AGBL4: variants seen among roughly 807,000 people sequenced by gnomAD.
AGBL4 encodes AGBL carboxypeptidase 4.
AGBL4 carries 58 observed loss-of-function variants against 66.4 expected under a neutral mutation model. The observed-to-expected ratio is 0.87, with a 90% CI of 0.71 to 1.09. AGBL4 has a LOEUF of 1.09. Ranked by LOEUF, AGBL4 falls within the 50% of genes least tolerant of loss-of-function variation. The pLI is 0.00. For synonymous variants in AGBL4, 234 were observed against 222.9 expected (o/e 1.05, Z -0.44); for missense variants, 579 against 631.0 (o/e 0.92, Z 0.88).
At chr1:49,540,342 C>T (rs995345324) in intron 3 of AGBL4, among the ~76,000 whole-genome samples, 1 of 152,122 alleles carries the variant, frequency 6.6e-6, no homozygotes, top group African/African-American at 2.4e-5. Context: ...AGGCAATATA[C>T]TATTTATTCT....
intron 9 of AGBL4, among the ~76,000 whole-genome samples, chr1:48,607,908 T>C (rs1226519523): frequency 6.6e-6 from 1 of 152,164 alleles, no homozygotes; most frequent in East Asian, 1.9e-4. Flanking sequence ...ATGACAACTT[T>C]AGTAGGAGGT....
chr1:49,493,400 C>A (rs1444895362), intron 3 of AGBL4, among the ~76,000 whole-genome samples: 1 of 151,934 alleles, frequency 6.6e-6, no homozygotes, highest in Non-Finnish European at 1.5e-5. Context: ...ATGTTCACTG[C>A]AATTCTTTGA....
intron 3 of AGBL4, among the ~76,000 whole-genome samples, chr1:49,281,296 G>C (rs867006285): frequency 3.3e-5 from 5 of 152,172 alleles, no homozygotes; most frequent in African/African-American, 4.8e-5. Flanking sequence ...AGACTTTCTG[G>C]CAAGAGTAGA....
intron 6 of AGBL4, among the ~76,000 whole-genome samples, chr1:48,671,538 C>A (rs1421756670): frequency 6.6e-6 from 1 of 152,224 alleles, no homozygotes; most frequent in South Asian, 2.1e-4. Flanking sequence ...TAGGATCTTT[C>A]ATTTTCTCAT....
At chr1:49,743,986 A>G (rs2147817119) in intron 2 of AGBL4, among the ~76,000 whole-genome samples, 1 of 152,062 alleles carries the variant, frequency 6.6e-6, no homozygotes. Context: ...GCACACCAGC[A>G]TGGCACATGT....
At chr1:49,799,486 T>C (rs1219146460) in intron 2 of AGBL4, among the ~76,000 whole-genome samples, 1 of 152,166 alleles carries the variant, frequency 6.6e-6, no homozygotes. Flanking sequence ...GAGAAAGTTG[T>C]ATGCTAGTAA....
intron 3 of AGBL4, among the ~76,000 whole-genome samples, chr1:49,641,905 A>G (rs1449673737): frequency 6.6e-6 from 1 of 152,062 alleles, no homozygotes; most frequent in Non-Finnish European, 1.5e-5. Flanking sequence ...CTTCTAAGCC[A>G]CATTGCTATT....
rs143064733 is a variant in AGBL4 at position 48,738,463 on chromosome 1, G to A, written c.635-75222C>T. ...CAAGGTCAAGTGTGGCCTTTTCTCCGCAGTTCGAACTGCAGGTGGGCAGTC... is the reference window on the plus strand; with the variant it reads ...CAAGGTCAAGTGTGGCCTTTTCTCCACAGTTCGAACTGCAGGTGGGCAGTC... On this transcript the variant is annotated intron_variant, in intron 6 of 13. Transcript: ENST00000371839. Among the ~76,000 whole-genome samples, 303 of 152,320 alleles carry A rather than the reference G, an allele frequency of 2.0e-3. 6 individuals carry two copies. Among genetic ancestry groups the A allele is most frequent in the Non-Finnish European group, 2.9e-4 (20 of 68,038 alleles).
chr1:48,582,678 C>T (rs1440368466), intron 11 of AGBL4, among the ~76,000 whole-genome samples: 1 of 152,184 alleles, frequency 6.6e-6, no homozygotes, highest in Non-Finnish European at 1.5e-5. Flanking sequence ...GATATAGTGC[C>T]TTATTTCACC....
In AGBL4 at chr1:48,870,050, TCTTCCTGAAGATTTCAAC is replaced by T. The variant is rs553291287; in HGVS notation, c.595-2838_595-2821del. On this transcript the variant is annotated intron_variant, in intron 5 of 13. Coordinates refer to ENST00000371839, the MANE Select transcript of AGBL4 (RefSeq NM_032785.4). The stretch of plus-strand genomic sequence containing the variant: ...ATCATCTCTGTCTACCCTCTTGAAA[TCTTCCTGAAGATTTCAAC>T]CTTCCTGAAGATTTCAACCATGGAA... 4.6e-5 allele frequency among the ~76,000 whole-genome samples: 7 copies of T among 152,164 alleles called. No individual in the cohort carries two copies. In the South Asian group the frequency reaches 8.3e-4, roughly 18 times the overall value.
chr1:48,872,277 A>C (rs1253551918), intron 5 of AGBL4, among the ~76,000 whole-genome samples: 1 of 152,184 alleles, frequency 6.6e-6, no homozygotes, highest in Non-Finnish European at 1.5e-5. Context: ...ATAATAAATG[A>C]AGTACAAGTC....
rs948734460 is a variant in AGBL4 at position 49,556,771 on chromosome 1, C to T, written c.282+140542G>A. On this transcript the variant is annotated intron_variant, in intron 3 of 13. Transcript: ENST00000371839. ...CCTCGGAGCAGGGGGCGAGGTCCGT[C>T]GGGAAGGCTCGTGCGGTGCAAGGGG... Among the ~76,000 whole-genome samples the T allele has an allele frequency of 2.6e-5, 4 of 152,070 alleles. No individual in the cohort carries two copies. In the South Asian group the frequency reaches 8.3e-4, roughly 32 times the overall value.
chr1:49,900,530 C>T (rs1018592127), intron 1 of AGBL4, among the ~76,000 whole-genome samples: 1 of 152,186 alleles, frequency 6.6e-6, no homozygotes, highest in African/African-American at 2.4e-5. Flanking sequence ...CAGGCATGAG[C>T]CACTGAGCCC....
At chr1:49,487,319 T>C (rs1647088678) in intron 3 of AGBL4, among the ~76,000 whole-genome samples, 1 of 152,004 alleles carries the variant, frequency 6.6e-6, no homozygotes, top group Non-Finnish European at 1.5e-5. Context: ...TTTATCCTCA[T>C]GACAACTATA....
chr1:49,751,363 G>A (rs1651446356), intron 2 of AGBL4, among the ~76,000 whole-genome samples: 1 of 152,148 alleles, frequency 6.6e-6, no homozygotes, highest in African/African-American at 2.4e-5. Context: ...CATTGGTTCT[G>A]TTTATGTCAT....
intron 4 of AGBL4, among the ~76,000 whole-genome samples, chr1:49,134,879 T>G (rs1464362822): frequency 6.6e-6 from 1 of 152,068 alleles, no homozygotes; most frequent in Non-Finnish European, 1.5e-5. Context: ...TCCATGAAAT[T>G]TTCACAATTT....
At chr1:48,581,860 G>A (rs1039683955) in intron 11 of AGBL4, among the ~76,000 whole-genome samples, 4 of 152,198 alleles carry the variant, frequency 2.6e-5, no homozygotes, top group Non-Finnish European at 5.9e-5. Flanking sequence ...GGGTCTCAGC[G>A]AGAATGACGC....
chr1:49,609,628 G>A (rs1264211519), intron 3 of AGBL4, among the ~76,000 whole-genome samples: 1 of 152,000 alleles, frequency 6.6e-6, no homozygotes, highest in East Asian at 1.9e-4. Flanking sequence ...AGTTTCAGGG[G>A]TACATGTACA....
chr1:48,815,552 A>T (rs936079957), intron 6 of AGBL4, among the ~76,000 whole-genome samples: 1 of 152,170 alleles, frequency 6.6e-6, no homozygotes, highest in Non-Finnish European at 1.5e-5. Flanking sequence ...TCTAAAAAAA[A>T]ATAGGTGTCA....
Sources: gnomAD v4.1 joint callset for allele counts (sites outside exome capture counted in the v4.1 genomes callset) on GRCh38, gnomAD v4.1.1 for gene constraint, MANE v1.5 for transcripts, NCBI Gene and HGNC (gene_info 2026-07-23, HGNC 2026-07-21) for gene names.